The following MALRD1 variants were observed in gnomAD, a reference collection of about 807,000 sequenced individuals.
The protein encoded by MALRD1 is MAM and LDL-receptor class A domain-containing protein 1.
Under a neutral mutation model 242.1 loss-of-function variants are expected in MALRD1, and 247 were observed. The observed-to-expected ratio is 1.02, with a 90% CI of 0.92 to 1.13. The LOEUF is 1.13. MALRD1 is among the 50% of genes most tolerant of loss of function. MALRD1 has a pLI of 0.00. For synonymous variants in MALRD1, 995 were observed against 866.6 expected, an observed-to-expected ratio of 1.15 and a Z score of -2.60; for missense variants, 2,989 against 2,533.1, an observed-to-expected ratio of 1.18 and a Z score of -3.86.
At chr10:19,440,198 G>A (rs1224264727) in intron 28 of MALRD1, among the ~76,000 whole-genome samples, 1 of 152,046 alleles carries the variant, frequency 6.6e-6, no homozygotes, top group Non-Finnish European at 1.5e-5. Context: ...GGAGAGTTCT[G>A]TTTATATACT....
At chr10:19,453,611 T>G (rs906699750) in intron 29 of MALRD1, among the ~76,000 whole-genome samples, 1 of 152,166 alleles carries the variant, frequency 6.6e-6, no homozygotes, top group Admixed American at 6.5e-5. Flanking sequence ...GCACTGTGGC[T>G]CATTCCTGCA....
intron 38 of MALRD1, among the ~76,000 whole-genome samples, chr10:19,704,249 C>A (rs903372168): frequency 6.6e-6 from 1 of 152,070 alleles, no homozygotes; most frequent in African/African-American, 2.4e-5. Context: ...GCTATTGCAA[C>A]AAAATACCAT....
intron 11 of MALRD1, among the ~76,000 whole-genome samples, chr10:19,151,192 A>C (rs1833933195): frequency 6.6e-6 from 1 of 152,106 alleles, no homozygotes; most frequent in Admixed American, 6.6e-5. Context: ...ATTTTTTTCA[A>C]GTGTTTCCAA....
At chr10:19,561,078 T>A (rs1008521596) in intron 32 of MALRD1, among the ~76,000 whole-genome samples, 3 of 151,902 alleles carry the variant, frequency 2.0e-5, no homozygotes, top group Non-Finnish European at 2.9e-5. Context: ...GAAATAAAAA[T>A]AAAATAATTT....
At chr10:19,254,175 T>C (rs1839411122) in intron 18 of MALRD1, among the ~76,000 whole-genome samples, 1 of 151,978 alleles carries the variant, frequency 6.6e-6, no homozygotes, top group South Asian at 2.1e-4. Flanking sequence ...CACCAAAAAT[T>C]CTGACTTTTC....
Position 19,387,518 on chromosome 10 carries a change from T to G in MALRD1, c.4442-10T>G. ...TTCGCTCATTCTTGTTTTCTTTTGT[T>G]TTGTTTTAGGTTTCTGCCCACTTGG... On this transcript the variant is annotated splice_polypyrimidine_tract_variant and intron_variant, in intron 26 of 39. Transcript: ENST00000454679. The G allele has an allele frequency of 3.9e-6, 6 of 1,547,842 alleles. No homozygotes were observed. The highest frequency in any genetic ancestry group is 5.2e-6 in the Non-Finnish European group (6 of 1,145,816).
chr10:19,696,659 C>A (rs1833390152), intron 38 of MALRD1, among the ~76,000 whole-genome samples: 1 of 151,992 alleles, frequency 6.6e-6, no homozygotes, highest in African/African-American at 2.4e-5. Flanking sequence ...GTAATCCCAG[C>A]ACTTTGGGAG....
intron 14 of MALRD1, among the ~76,000 whole-genome samples, chr10:19,178,161 G>T (rs954364688): frequency 6.6e-6 from 1 of 152,074 alleles, no homozygotes; most frequent in African/African-American, 2.4e-5. Flanking sequence ...ATTCACTCAG[G>T]ATTCATGGAT....
intron 18 of MALRD1, among the ~76,000 whole-genome samples, chr10:19,232,045 A>C (rs979122791): frequency 6.6e-6 from 1 of 152,048 alleles, no homozygotes; most frequent in Non-Finnish European, 1.5e-5. Flanking sequence ...TGAAAACGTT[A>C]GTATTAGGGG....
chr10:19,058,585 C>T (rs1834733561), intron 1 of MALRD1, among the ~76,000 whole-genome samples: 1 of 151,968 alleles, frequency 6.6e-6, no homozygotes, highest in African/African-American at 2.4e-5. Flanking sequence ...TTAAAAGTTT[C>T]AGTATATCAA....
At chr10:19,200,712 G>A (rs12268253) in intron 14 of MALRD1, among the ~76,000 whole-genome samples, 1 of 124,386 alleles carries the variant, frequency 8.0e-6, no homozygotes, top group South Asian at 2.7e-4. Context: ...TCAATGAAGA[G>A]CTCAAAAAAA....
At chr10:19,514,856 GT>G (rs1308691288) in intron 31 of MALRD1, among the ~76,000 whole-genome samples, 1 of 151,536 alleles carries the variant, frequency 6.6e-6, no homozygotes, top group Non-Finnish European at 1.5e-5. Flanking sequence ...AAACCTTGTT[GT>G]TTTAACATAG....
intron 24 of MALRD1, among the ~76,000 whole-genome samples, chr10:19,336,258 T>C (rs1843607402): frequency 6.6e-6 from 1 of 152,200 alleles, no homozygotes; most frequent in Non-Finnish European, 1.5e-5. Context: ...GAGACTTCTA[T>C]GGGAAACAAC....
intron 22 of MALRD1, among the ~76,000 whole-genome samples, chr10:19,325,649 C>T (rs115974367): frequency 0.011 from 1,644 of 152,174 alleles, 31 homozygotes; most frequent in African/African-American, 0.038. Flanking sequence ...CCGGGAAGCC[C>T]TGTCTGAAAT....
chr10:19,584,193 T>G (rs1389938844), intron 33 of MALRD1, among the ~76,000 whole-genome samples: 2 of 152,052 alleles, frequency 1.3e-5, no homozygotes, highest in Non-Finnish European at 2.9e-5. Context: ...ATTCATTGAT[T>G]TTTTGAAGGG....
upstream of MALRD1, among the ~76,000 whole-genome samples, chr10:19,047,303 T>C (rs553228883): frequency 9.0e-4 from 136 of 151,678 alleles, no homozygotes; most frequent in African/African-American, 3.2e-3. Context: ...TGGTTGGCGG[T>C]GGGGGAAAGG....
intron 26 of MALRD1, among the ~76,000 whole-genome samples, chr10:19,384,344 C>A (rs1845967419): frequency 1.7e-5 from 2 of 118,744 alleles, no homozygotes; most frequent in Non-Finnish European, 1.6e-5. Context: ...AATATAATTA[C>A]TATATAATAT....
intron 24 of MALRD1, among the ~76,000 whole-genome samples, chr10:19,334,385 A>G (rs1322155560): frequency 2.0e-5 from 3 of 151,362 alleles, no homozygotes; most frequent in Non-Finnish European, 4.4e-5. Flanking sequence ...CATATACCCT[A>G]TCACTTTTGT....
intron 29 of MALRD1, among the ~76,000 whole-genome samples, chr10:19,476,886 G>T (rs896994621): frequency 6.6e-6 from 1 of 151,780 alleles, no homozygotes; most frequent in Admixed American, 6.6e-5. Context: ...TTCAACATAC[G>T]CTTCCAAACT....
Sources: allele counts gnomAD v4.1 joint callset (sites outside exome capture counted in the v4.1 genomes callset), GRCh38; gene constraint gnomAD v4.1.1; transcripts MANE v1.5; gene names NCBI Gene and HGNC (gene_info 2026-07-23, HGNC 2026-07-21).